Variants in RAP1A observed in about 807,000 individuals in gnomAD.
The protein encoded by RAP1A is ras-related protein Rap-1A.
A neutral mutation model predicts 26.4 loss-of-function variants in RAP1A; 6 were observed. That is an observed-to-expected ratio of 0.23 (90% CI 0.12 to 0.45). The LOEUF (loss-of-function observed/expected upper bound fraction) is 0.45. Among genes scored for constraint, RAP1A ranks in the 20% least tolerant of loss-of-function variants. RAP1A has a pLI of 0.99. For synonymous variants in RAP1A, 73 were observed against 79.4 expected (o/e 0.92, Z 0.43); for missense variants, 121 against 217.2 (o/e 0.56, Z 2.78).
At chr1:111,555,362 T>TA (rs397981230) in intron 1 of RAP1A, among the ~76,000 whole-genome samples, 14,511 of 47,566 alleles carry the variant, frequency 0.31, 2,847 homozygotes, top group East Asian at 0.49. Flanking sequence ...TGAGACTCTG[T>TA]AAAAAAAAAA....
intron 6 of RAP1A, among the ~76,000 whole-genome samples, chr1:111,708,068 C>T (rs57203909): frequency 0.13 from 19,674 of 152,022 alleles, 1,615 homozygotes; most frequent in South Asian, 0.18. Flanking sequence ...CCCAGCCGTT[C>T]GGGAGGCTGA....
At chr1:111,563,156 T>G (rs977893092) in intron 1 of RAP1A, among the ~76,000 whole-genome samples, 2 of 152,170 alleles carry the variant, frequency 1.3e-5, no homozygotes. Context: ...GTGCCTGTAG[T>G]TCCAGCTACT....
upstream of RAP1A, among the ~76,000 whole-genome samples, chr1:111,619,402 A>C (rs967112163): frequency 6.6e-6 from 1 of 152,126 alleles, no homozygotes; most frequent in South Asian, 2.1e-4. Flanking sequence ...ACCAGCATGC[A>C]AGCTGCAAGA....
intron 1 of RAP1A, among the ~76,000 whole-genome samples, chr1:111,645,997 A>G (rs978549186): frequency 1.3e-5 from 2 of 152,248 alleles, no homozygotes; most frequent in African/African-American, 4.8e-5. Flanking sequence ...ACACGTGCAC[A>G]CGTGTTTATA....
intron 1 of RAP1A, among the ~76,000 whole-genome samples, chr1:111,646,047 C>T (rs1466417504): frequency 1.3e-5 from 2 of 152,158 alleles, no homozygotes; most frequent in African/African-American, 2.4e-5. Context: ...AGATATTTAC[C>T]AGGAATTCTT....
intron 1 of RAP1A, among the ~76,000 whole-genome samples, chr1:111,607,627 T>TGGCC (rs1414059163): frequency 6.8e-6 from 1 of 146,814 alleles, no homozygotes; most frequent in East Asian, 2.1e-4. Context: ...ACAGGGTGGC[T>TGGCC]GGCCGGGCGG....
intron 1 of RAP1A, among the ~76,000 whole-genome samples, chr1:111,662,845 C>G (rs187111529): frequency 7.5e-4 from 114 of 152,294 alleles, no homozygotes; most frequent in Admixed American, 1.7e-3. Context: ...AATGACTTGT[C>G]TTGGCTCACA....
chr1:111,627,830 C>T (rs1310142962), intron 1 of RAP1A, among the ~76,000 whole-genome samples: 1 of 149,322 alleles, frequency 6.7e-6, no homozygotes, highest in African/African-American at 2.5e-5. Flanking sequence ...AAATGACAAA[C>T]ATGAGAAAGC....
At chr1:111,667,052 A>T (rs924147944) in intron 1 of RAP1A, among the ~76,000 whole-genome samples, 1 of 152,220 alleles carries the variant, frequency 6.6e-6, no homozygotes, top group African/African-American at 2.4e-5. Flanking sequence ...TTTTGAAAAG[A>T]TCATTCTGGC....
chr1:111,646,701 C>T (rs971622773), intron 1 of RAP1A, among the ~76,000 whole-genome samples: 8 of 152,122 alleles, frequency 5.3e-5, no homozygotes, highest in Admixed American at 1.3e-4. Flanking sequence ...CCACCACACC[C>T]GGCTAATTTT....
chr1:111,679,727 G>A (rs1452376730), intron 1 of RAP1A, among the ~76,000 whole-genome samples: 3 of 152,242 alleles, frequency 2.0e-5, no homozygotes, highest in South Asian at 2.1e-4. Flanking sequence ...GAGGTGGGGC[G>A]TCTGCCATTA....
intron 5 of RAP1A, among the ~76,000 whole-genome samples, chr1:111,703,965 A>G (rs1382450591): frequency 6.6e-6 from 1 of 151,904 alleles, no homozygotes; most frequent in Non-Finnish European, 1.5e-5. Flanking sequence ...TGCCTGGCTG[A>G]TTGTTTTTGA....
chr1:111,565,320 G>A lies in RAP1A; in HGVS notation c.-28+22811G>A, dbSNP rs753581659. Reference sequence around the variant, plus strand: ...TGTTGTTTTTCAGGCATTCAACCTCGTTCAAACAAACCAAGCAATTATTTT... The same window carrying A: ...TGTTGTTTTTCAGGCATTCAACCTCATTCAAACAAACCAAGCAATTATTTT... On this transcript the variant is annotated intron_variant, in intron 1 of 7. Coordinates refer to the RAP1A transcript ENST00000356415. Among the ~76,000 whole-genome samples the A allele has an allele frequency of 7.9e-5, 12 of 152,274 alleles. No homozygotes were observed. The East Asian group carries it at 1.3e-3, about 17-fold the overall frequency.
intron 1 of RAP1A, among the ~76,000 whole-genome samples, chr1:111,579,374 T>C (rs937294413): frequency 6.6e-6 from 1 of 152,202 alleles, no homozygotes; most frequent in African/African-American, 2.4e-5. Flanking sequence ...TTAGAAGCTA[T>C]GATAGGAACC....
At chr1:111,578,495 A>G (rs913489793) in intron 1 of RAP1A, among the ~76,000 whole-genome samples, 6 of 107,300 alleles carry the variant, frequency 5.6e-5, no homozygotes, top group African/African-American at 1.7e-4. Context: ...TTCAATGGGG[A>G]AAAAAAACCA....
At chr1:111,633,074 G>A (rs929918548) in intron 1 of RAP1A, among the ~76,000 whole-genome samples, 2 of 152,172 alleles carry the variant, frequency 1.3e-5, no homozygotes, top group South Asian at 2.1e-4. Context: ...AACCTAGATC[G>A]AATGAAGAGG....
intron 1 of RAP1A, among the ~76,000 whole-genome samples, chr1:111,658,052 T>C (rs1317662820): frequency 1.3e-5 from 2 of 152,180 alleles, no homozygotes; most frequent in Non-Finnish European, 2.9e-5. Flanking sequence ...TCTATCTTGG[T>C]AAATGTTTCG....
intron 1 of RAP1A, among the ~76,000 whole-genome samples, chr1:111,655,261 T>TA (rs1374460220): frequency 9.1e-5 from 6 of 66,272 alleles, no homozygotes; most frequent in Admixed American, 4.9e-4. Context: ...AACAATGCAA[T>TA]AAAACAAAAA....
intron 1 of RAP1A, among the ~76,000 whole-genome samples, chr1:111,551,573 T>C (rs1657259709): frequency 6.6e-6 from 1 of 152,192 alleles, no homozygotes; most frequent in South Asian, 2.1e-4. Context: ...TCTTAATACA[T>C]TGTTTTTCCA....
Sources: allele counts gnomAD v4.1 joint callset (sites outside exome capture counted in the v4.1 genomes callset), GRCh38; gene constraint gnomAD v4.1.1; transcripts MANE v1.5; gene names NCBI Gene and HGNC (gene_info 2026-07-23, HGNC 2026-07-21).